Variants in RND3 observed in about 807,000 individuals in gnomAD.
RND3 encodes rho-related GTP-binding protein RhoE.
In RND3, 8 loss-of-function variants were observed where a neutral mutation model predicts 26.5. That is an observed-to-expected ratio of 0.30 (90% CI 0.18 to 0.54). The LOEUF (loss-of-function observed/expected upper bound fraction) is 0.54. Among genes scored for constraint, RND3 ranks in the 20% least tolerant of loss-of-function variants. The probability of loss-of-function intolerance (pLI) is 0.94; values close to 1 mark genes in which losing one functional copy is unlikely to be tolerated. For synonymous variants in RND3, 113 were observed against 113.0 expected, an observed-to-expected ratio of 1.00 and a Z score of 0.00; for missense variants, 207 against 302.8, an observed-to-expected ratio of 0.68 and a Z score of 2.35.
Position 150,486,571 on chromosome 2 carries a change from G to T in RND3, c.238+123C>A. 1 of 782,244 alleles carries T rather than the reference G, an allele frequency of 1.3e-6. No individual in the cohort carries two copies. The highest frequency in any genetic ancestry group is 1.4e-5 in the South Asian group (1 of 72,062). The allele number at this position is 782,244 out of a possible 1,614,324, so 48.5% of individuals were successfully genotyped here. On this transcript the variant is annotated intron_variant, in intron 3 of 5. Transcript: ENST00000263895. The surrounding 1 kb of genome is among the most constrained non-coding windows in gnomAD (Gnocchi z 4.5). The stretch of plus-strand genomic sequence containing the variant: ...AGGGATACAATTTTCGCCCAACAGG[G>T]ACCGTGGGAATCCCTTGGGAGGGGC...
At position 150,468,892 on chromosome 2, in the gene RND3, G is replaced by A. The variant is rs573017724; in HGVS notation, c.*1095C>T. ...TAGGGATTCTCTAAAGCTTGGGTAA[G>A]TGGCATCTTCTCTCATCAATGTTCA... On this transcript the variant is annotated 3_prime_UTR_variant, in exon 6 of 6. Transcript: ENST00000263895. 6 of 152,704 alleles carry A rather than the reference G, an allele frequency of 3.9e-5. No homozygotes were observed. Among genetic ancestry groups the A allele is most frequent in the South Asian group, 2.1e-4 (1 of 4,830 alleles). The allele number at this position is 152,704 out of a possible 1,614,324, so 9.5% of individuals were successfully genotyped here. A position where few individuals can be genotyped will look rare whatever the true frequency, so the allele number is the denominator to read the frequency against.
In RND3 at chr2:150,468,499, C is replaced by A. The variant is rs2105214264; in HGVS notation, c.*1488G>T. 1 of 152,706 alleles carries A rather than the reference C, an allele frequency of 6.5e-6. No homozygotes were observed. The highest frequency in any genetic ancestry group is 1.5e-5 in the Non-Finnish European group (1 of 68,022). 9.5% of individuals were successfully genotyped at this position (152,706 alleles called of 1,614,324 possible). A position where few individuals can be genotyped will look rare whatever the true frequency, so the allele number is the denominator to read the frequency against. On this transcript the variant is annotated 3_prime_UTR_variant, in exon 6 of 6. Coordinates refer to ENST00000263895, the MANE Select transcript of RND3 (RefSeq NM_005168.5). ...CTGGAATCGAATTTTCTTGCAGAGA[C>A]AAGACAAAGTGCTTGTAAGACATAG...
chr2:150,487,310 T>A lies in RND3; in HGVS notation c.108A>T (p.Lys36Asn), dbSNP rs754050173. 6.2e-7 allele frequency: 1 copy of A among 1,604,314 alleles called. No individual in the cohort carries two copies. ...IVVVGDSQCG[K>N]TALLHVFAKD... Reference sequence around the variant, plus strand: ...TGGCGAAGACATGGAGCAGCGCAGTTTTTCCACACTGACTGTCTCCCACCA... The same window carrying A: ...TGGCGAAGACATGGAGCAGCGCAGTATTTCCACACTGACTGTCTCCCACCA... Residue 36 changes from lysine to asparagine, a missense_variant, in exon 2 of 6, where the codon AAA (lysine) becomes AAT (asparagine). By Grantham distance (94) the Lys-to-Asn change is moderately conservative. Transcript: ENST00000263895.
chr2:150,479,467 T>A (rs1195537863), intron 3 of RND3, among the ~76,000 whole-genome samples: 1 of 152,218 alleles, frequency 6.6e-6, no homozygotes, highest in Non-Finnish European at 1.5e-5. Context: ...TTCATAAATA[T>A]AATTTATTTA....
chr2:150,484,544 T>C (rs986248440), intron 3 of RND3, among the ~76,000 whole-genome samples: 21 of 152,132 alleles, frequency 1.4e-4, no homozygotes, highest in African/African-American at 4.6e-4. Context: ...CCAGGAAGCC[T>C]GGCTCTGCCC....
Position 150,487,453 on chromosome 2 carries a change from T to A in RND3, c.-36A>T. On this transcript the variant is annotated splice_region_variant and 5_prime_UTR_variant, in exon 2 of 6. Coordinates refer to ENST00000263895, the MANE Select transcript of RND3 (RefSeq NM_005168.5). ...TTATTTTCTCTTGGAACAGGAATTTTCTCTTAAGAAGAAAAAAAAAAATAT... is the reference window on the plus strand; with the variant it reads ...TTATTTTCTCTTGGAACAGGAATTTACTCTTAAGAAGAAAAAAAAAAATAT... 1 of 1,116,122 alleles carries A rather than the reference T, an allele frequency of 9.0e-7. No individual in the cohort carries two copies. The highest frequency in any genetic ancestry group is 1.2e-6 in the Non-Finnish European group (1 of 864,220). The allele number at this position is 1,116,122 out of a possible 1,614,324, so 69.1% of individuals were successfully genotyped here.
intron 3 of RND3, 66 bp from the exon 4 acceptor site, chr2:150,475,050 T>C (rs1416253699): frequency 3.2e-6 from 3 of 948,398 alleles, no homozygotes; most frequent in African/African-American, 1.6e-5. Flanking sequence ...GCATTAACTC[T>C]ACCCTTTCCG....
Position 150,487,464 on chromosome 2 carries a change from GAA to G in RND3, c.-38-11_-38-10del, listed in dbSNP as rs71422244. On this transcript the variant is annotated splice_polypyrimidine_tract_variant and intron_variant, in intron 1 of 5. Transcript: ENST00000263895. ...TGGAACAGGAATTTTCTCTTAAGAA[GAA>G]AAAAAAAAATATATATATATATATA... 4,656 of 284,996 alleles carry G rather than the reference GAA, an allele frequency of 0.016. 364 individuals are homozygous for G. The highest frequency in any genetic ancestry group is 0.055 in the East Asian group (581 of 10,616). 17.7% of individuals were successfully genotyped at this position (284,996 alleles called of 1,614,324 possible). A position where few individuals can be genotyped will look rare whatever the true frequency, so the allele number is the denominator to read the frequency against.
chr2:150,470,186 G>A lies in RND3; in HGVS notation c.536C>T (p.Ala179Val). Residue 179 changes from alanine (A) to valine (V), a missense_variant, in exon 6 of 6, where the codon GCT becomes GTT. Transcript: ENST00000263895. Reference protein sequence around the residue: ...IGAATYIECSALQSENSVRDI... With the variant: ...IGAATYIECSVLQSENSVRDI... ...TCTGACGCTATTTTCCGACTGTAAA[G>A]CTGAGCATTCGATATAAGTAGCTGC... 1.2e-6 allele frequency: 2 copies of A among 1,613,956 alleles called. No homozygotes were observed. The highest frequency in any genetic ancestry group is 1.7e-6 in the Non-Finnish European group (2 of 1,179,908).
chr2:150,481,406 G>C (rs1686267334), intron 3 of RND3, among the ~76,000 whole-genome samples: 1 of 152,174 alleles, frequency 6.6e-6, no homozygotes, highest in African/African-American at 2.4e-5. Context: ...TCTTTACCCT[G>C]TTCAAATCTC....
rs1686088776 is a variant in RND3, at chr2:150,471,604, T to C, written c.483+23A>G. 3.2e-6 allele frequency: 5 copies of C among 1,562,734 alleles called. 1 individual carries two copies. In the South Asian group the frequency reaches 4.9e-5, roughly 15 times the overall value. On this transcript the variant is annotated intron_variant, in intron 5 of 5. Coordinates refer to ENST00000263895, the MANE Select transcript of RND3 (RefSeq NM_005168.5). ...CTTTCACTCTTTCTAAAATCCAGTT[T>C]TGCACATGGGCAACATACATACCTG...
chr2:150,470,337 G>C, intron 5 of RND3, 99 bp from the exon 6 acceptor site: 1 of 1,293,656 alleles, frequency 7.7e-7, no homozygotes, highest in Non-Finnish European at 1.1e-6. Flanking sequence ...ATTGCAAAAC[G>C]TTTGCTGATA....
chr2:150,487,464 GAAA>G lies in RND3; in HGVS notation c.-38-12_-38-10del, dbSNP rs71422244. On this transcript the variant is annotated splice_polypyrimidine_tract_variant and intron_variant, in intron 1 of 5. Transcript: ENST00000263895. ...TGGAACAGGAATTTTCTCTTAAGAA[GAAA>G]AAAAAAAATATATATATATATATAT... The G allele has an allele frequency of 8.8e-3, 2,536 of 288,084 alleles. 144 individuals are homozygous for G. The highest frequency in any genetic ancestry group is 0.033 in the Middle Eastern group (47 of 1,404). 17.8% of individuals were successfully genotyped at this position (288,084 alleles called of 1,614,324 possible). A position where few individuals can be genotyped will look rare whatever the true frequency, so the allele number is the denominator to read the frequency against.
intron 3 of RND3, among the ~76,000 whole-genome samples, chr2:150,478,011 A>AT (rs1443312107): frequency 6.6e-6 from 1 of 152,152 alleles, no homozygotes; most frequent in African/African-American, 2.4e-5. Context: ...GACAAGAGTA[A>AT]TTTATTTAAA....
chr2:150,471,415 G>T (rs968796685), intron 5 of RND3, among the ~76,000 whole-genome samples: 1 of 152,164 alleles, frequency 6.6e-6, no homozygotes, highest in Non-Finnish European at 1.5e-5. Context: ...CCTACTGGGA[G>T]GTGCAGAAAT....
At position 150,486,597 on chromosome 2, in the gene RND3, G is replaced by T. The variant is rs1300096040; in HGVS notation, c.238+97C>A. Reference sequence around the variant, plus strand: ...ACCGTGGGAATCCCTTGGGAGGGGCGCAGACGGCTTGTAGCGCGCGGTTTC... The same window carrying T: ...ACCGTGGGAATCCCTTGGGAGGGGCTCAGACGGCTTGTAGCGCGCGGTTTC... On this transcript the variant is annotated intron_variant, in intron 3 of 5. Coordinates refer to ENST00000263895, the MANE Select transcript of RND3 (RefSeq NM_005168.5). This position sits in a 1 kb window ranked among gnomAD's most constrained non-coding sequence, Gnocchi z 4.5. 6.8e-6 allele frequency: 6 copies of T among 875,924 alleles called. No individual in the cohort carries two copies. Among genetic ancestry groups the T allele is most frequent in the Non-Finnish European group, 1.2e-5 (6 of 509,144 alleles). 54.3% of individuals were successfully genotyped at this position (875,924 alleles called of 1,614,324 possible). A position where few individuals can be genotyped will look rare whatever the true frequency, so the allele number is the denominator to read the frequency against.
Position 150,469,820 on chromosome 2 carries a change from T to G in RND3, c.*167A>C, listed in dbSNP as rs1192623650. 3 of 687,708 alleles carry G rather than the reference T, an allele frequency of 4.4e-6. No homozygotes were observed. Among genetic ancestry groups the G allele is most frequent in the Non-Finnish European group, 7.2e-6 (3 of 417,236 alleles). 42.6% of individuals were successfully genotyped at this position (687,708 alleles called of 1,614,324 possible). ...TTCACTTCTCATCACTTGGTCTACA[T>G]GCCGAACCTAAGGTCAGGATTCCAA... is the stretch of plus-strand genomic sequence containing the variant. On this transcript the variant is annotated 3_prime_UTR_variant, in exon 6 of 6. Coordinates refer to ENST00000263895, the MANE Select transcript of RND3 (RefSeq NM_005168.5).
intron 4 of RND3, among the ~76,000 whole-genome samples, chr2:150,473,087 T>G (rs1354508706): frequency 6.7e-6 from 1 of 148,650 alleles, no homozygotes; most frequent in Non-Finnish European, 1.5e-5. Context: ...CAGAATTATG[T>G]AGGAACACCT....
intron 4 of RND3, among the ~76,000 whole-genome samples, chr2:150,474,378 C>T (rs2105217540): frequency 6.6e-6 from 1 of 152,320 alleles, no homozygotes; most frequent in East Asian, 1.9e-4. Context: ...GATACCTGAT[C>T]ATCAGACAAT....
Sources: gnomAD v4.1 joint callset for allele counts (sites outside exome capture counted in the v4.1 genomes callset) on GRCh38, gnomAD v4.1.1 for gene constraint, Gnocchi (gnomAD v3.1) non-coding constraint, MANE v1.5 for transcripts, NCBI Gene and HGNC (gene_info 2026-07-23, HGNC 2026-07-21) for gene names.